Variants in CCDC125 observed in about 807,000 individuals in gnomAD.
The protein encoded by CCDC125 is coiled-coil domain containing 125.
CCDC125 carries 43 observed loss-of-function variants against 57.4 expected under a neutral mutation model. The ratio of observed to expected loss-of-function variants is 0.75; its 90% confidence interval spans 0.59 to 0.97. CCDC125 has a LOEUF of 0.97. CCDC125 is among the 50% of genes least tolerant of loss of function. CCDC125 has a pLI of 0.00. For missense variants in CCDC125, 563 were observed against 595.7 expected (o/e 0.95, Z 0.57); for synonymous variants, 187 against 195.2 (o/e 0.96, Z 0.35).
At chr5:69,317,547 T>C (rs1759321296) in intron 2 of CCDC125, among the ~76,000 whole-genome samples, 1 of 152,168 alleles carries the variant, frequency 6.6e-6, no homozygotes, top group Admixed American at 6.6e-5. Flanking sequence ...TTGTTCTAAT[T>C]TGTGTTTGTT....
chr5:69,304,422 C>CTT lies in CCDC125; in HGVS notation c.618-495_618-494dup, dbSNP rs35397437. Among the ~76,000 whole-genome samples, 352 of 133,990 alleles carry CTT rather than the reference C, an allele frequency of 2.6e-3. 2 individuals carry two copies. The highest frequency in any genetic ancestry group is 5.3e-3 in the East Asian group (24 of 4,534). The allele number at this position is 133,990 out of a possible 152,430, so 87.9% of individuals were successfully genotyped here. A position where few individuals can be genotyped will look rare whatever the true frequency, so the allele number is the denominator to read the frequency against. On this transcript the variant is annotated intron_variant, in intron 6 of 11. Transcript: ENST00000396496. ...GCCCGGCCAGGATTTTAAACATACCCTTTTTTTTTTTTTTTCTTTTTGAGA... is the reference window on the plus strand; with the variant it reads ...GCCCGGCCAGGATTTTAAACATACCCTTTTTTTTTTTTTTTTTCTTTTTGAGA...
At chr5:69,288,563 G>T (rs1753877547) in intron 10 of CCDC125, among the ~76,000 whole-genome samples, 1 of 152,158 alleles carries the variant, frequency 6.6e-6, no homozygotes, top group Non-Finnish European at 1.5e-5. Context: ...TCTTTATCTG[G>T]CTGTTCATCT....
chr5:69,293,196 T>C (rs578122427), intron 9 of CCDC125, among the ~76,000 whole-genome samples: 2 of 151,970 alleles, frequency 1.3e-5, no homozygotes, highest in South Asian at 4.1e-4. Context: ...TAGAGTGCAG[T>C]GATGTGAACA....
chr5:69,332,481 G>C (rs754888075), intron 1 of CCDC125, among the ~76,000 whole-genome samples, 168 bp downstream of exon 1: 2 of 152,194 alleles, frequency 1.3e-5, no homozygotes, highest in Non-Finnish European at 2.9e-5. Flanking sequence ...GAGGCAGAGA[G>C]AGAAATAGGG....
intron 10 of CCDC125, among the ~76,000 whole-genome samples, chr5:69,285,805 T>C (rs139199180): frequency 3.3e-5 from 5 of 152,308 alleles, no homozygotes; most frequent in African/African-American, 7.2e-5. Context: ...ACTAGTCTTA[T>C]TGTTTGACTA....
At chr5:69,299,266 C>T (rs1011481222) in intron 8 of CCDC125, among the ~76,000 whole-genome samples, 3 of 152,122 alleles carry the variant, frequency 2.0e-5, no homozygotes, top group Admixed American at 6.5e-5. Flanking sequence ...CCCGCCACCG[C>T]GCCTGGCTAA....
At chr5:69,313,728 G>C (rs1256302248) in intron 3 of CCDC125, 17 of 774,610 alleles carry the variant, frequency 2.2e-5, no homozygotes, top group Non-Finnish European at 4.1e-5. Flanking sequence ...CTCCCCTTCA[G>C]GATGATGTTC....
chr5:69,288,636 A>G (rs1024153742), intron 10 of CCDC125, among the ~76,000 whole-genome samples: 3 of 152,170 alleles, frequency 2.0e-5, no homozygotes, highest in Non-Finnish European at 4.4e-5. Flanking sequence ...GAGTTCTGTG[A>G]GGCATCCTAG....
intron 8 of CCDC125, among the ~76,000 whole-genome samples, chr5:69,295,294 C>A (rs551283541): frequency 6.6e-6 from 1 of 152,266 alleles, no homozygotes; most frequent in South Asian, 2.1e-4. Flanking sequence ...GCCCGGCATT[C>A]ACTACTGCCA....
intron 3 of CCDC125, 39 bp downstream of exon 3, chr5:69,313,946 A>G (rs1413602058): frequency 6.9e-7 from 1 of 1,455,668 alleles, no homozygotes; most frequent in Non-Finnish European, 9.7e-7. Context: ...GCTGGGACCC[A>G]GCTAAACTGA....
At chr5:69,283,792 A>AT (rs35950289) in intron 11 of CCDC125, among the ~76,000 whole-genome samples, 175 of 139,702 alleles carry the variant, frequency 1.3e-3, no homozygotes, top group Non-Finnish European at 1.7e-3. Flanking sequence ...CAGGCTGACA[A>AT]TTTTTTTTTT....
In CCDC125 at chr5:69,324,679, G is replaced by A. The variant is rs1041418017; in HGVS notation, c.-40-4099C>T. ...TGCATTACACATGCAATGCATTTCC[G>A]ATATATGCAATGAATTTCCCAGACA... is the stretch of plus-strand genomic sequence containing the variant. On this transcript the variant is annotated intron_variant, in intron 1 of 11. Coordinates refer to ENST00000396496, the MANE Select transcript of CCDC125 (RefSeq NM_176816.5). Among the ~76,000 whole-genome samples, 3 of 152,102 alleles carry A rather than the reference G, an allele frequency of 2.0e-5. 1 individual carries two copies. Among genetic ancestry groups the A allele is most frequent in the Non-Finnish European group, 4.4e-5 (3 of 68,042 alleles).
chr5:69,310,041 G>GT (rs1757904059), intron 4 of CCDC125: 1 of 152,230 alleles, frequency 6.6e-6, no homozygotes, highest in Admixed American at 6.5e-5. Flanking sequence ...TATGTAGGAA[G>GT]TAACTAGCTT....
chr5:69,323,174 T>C (rs939248520), intron 1 of CCDC125, among the ~76,000 whole-genome samples: 8 of 151,814 alleles, frequency 5.3e-5, no homozygotes, highest in Non-Finnish European at 1.2e-4. Flanking sequence ...CCGGGCATTG[T>C]GGCGTGTGCC....
At chr5:69,326,609 T>C (rs895613961) in intron 1 of CCDC125, among the ~76,000 whole-genome samples, 1 of 152,068 alleles carries the variant, frequency 6.6e-6, no homozygotes, top group African/African-American at 2.4e-5. Context: ...AAGGAAAGAG[T>C]AAGCAATTGT....
At position 69,286,187 on chromosome 5, in the gene CCDC125, ACTATATATATATATATATATATATATAT is replaced by A. The variant is rs1246802633; in HGVS notation, c.1100-748_1100-721del. Among the ~76,000 whole-genome samples the A allele has an allele frequency of 0.012, 674 of 53,940 alleles. 28 individuals carry two copies. The East Asian group carries it at 0.13, about 10-fold the overall frequency. 35.4% of individuals were successfully genotyped at this position (53,940 alleles called of 152,430 possible). On this transcript the variant is annotated intron_variant, in intron 10 of 11. Coordinates refer to ENST00000396496, the MANE Select transcript of CCDC125 (RefSeq NM_176816.5). Reference sequence around the variant, plus strand: ...CACTTAAAAACAGTTCAAATGGTAAACTATATATATATATATATATATATATATATATATATATATATATATAATTTTT... The same window carrying A: ...CACTTAAAAACAGTTCAAATGGTAAAATATATATATATATATATAATTTTT...
intron 7 of CCDC125, among the ~76,000 whole-genome samples, chr5:69,300,924 C>T (rs1175719843): frequency 6.9e-6 from 1 of 145,348 alleles, no homozygotes. Flanking sequence ...CAGAGTCTTG[C>T]TCTGTCACTC....
At chr5:69,310,045 C>G (rs1757904537) in intron 4 of CCDC125, 1 of 152,232 alleles carries the variant, frequency 6.6e-6, no homozygotes, top group South Asian at 2.1e-4. Flanking sequence ...TAGGAAGTAA[C>G]TAGCTTGCTT....
intron 1 of CCDC125, among the ~76,000 whole-genome samples, chr5:69,327,380 C>T (rs1468951379): frequency 2.6e-5 from 4 of 152,106 alleles, no homozygotes; most frequent in Non-Finnish European, 5.9e-5. Context: ...AGGCATGAGC[C>T]ACCCCGCCTG....
Sources: allele counts gnomAD v4.1 joint callset (sites outside exome capture counted in the v4.1 genomes callset), GRCh38; gene constraint gnomAD v4.1.1; transcripts MANE v1.5; gene names NCBI Gene and HGNC (gene_info 2026-07-23, HGNC 2026-07-21).